KCNN2: variants seen among roughly 807,000 people sequenced by gnomAD.
The protein encoded by KCNN2 is potassium calcium-activated channel subfamily N member 2.
KCNN2 carries 24 observed loss-of-function variants against 55.5 expected under a neutral mutation model. That is an observed-to-expected ratio of 0.43 (90% CI 0.31 to 0.61). The LOEUF (loss-of-function observed/expected upper bound fraction) is 0.61. Ranked by LOEUF, KCNN2 falls within the 20% of genes least tolerant of loss-of-function variation. The pLI is 0.08. For synonymous variants in KCNN2, 431 were observed against 336.1 expected (o/e 1.28, Z -3.09); for missense variants, 754 against 853.6 (o/e 0.88, Z 1.45).
At chr5:114,334,952 C>T (rs1756894836) in intron 2 of KCNN2, among the ~76,000 whole-genome samples, 1 of 151,930 alleles carries the variant, frequency 6.6e-6, no homozygotes. Context: ...TAGACTGAGT[C>T]TCGCTCTGTC....
intron 2 of KCNN2, among the ~76,000 whole-genome samples, chr5:114,394,855 A>T (rs549057770): frequency 6.6e-6 from 1 of 152,298 alleles, no homozygotes; most frequent in African/African-American, 2.4e-5. Flanking sequence ...ATTAAGTGCC[A>T]GTACCACCTG....
At chr5:114,450,819 C>T (rs181709418) in intron 3 of KCNN2, among the ~76,000 whole-genome samples, 2 of 152,206 alleles carry the variant, frequency 1.3e-5, no homozygotes, top group Non-Finnish European at 2.9e-5. Context: ...TTTAACAAAA[C>T]ACTGTTCTAC....
At chr5:114,293,588 G>A (rs1236736918) in intron 2 of KCNN2, among the ~76,000 whole-genome samples, 3 of 152,156 alleles carry the variant, frequency 2.0e-5, no homozygotes, top group Non-Finnish European at 2.9e-5. Flanking sequence ...GCTGGATTCA[G>A]TTTGCCAGTA....
intron 1 of KCNN2, among the ~76,000 whole-genome samples, chr5:114,077,036 T>C (rs1237571926): frequency 6.6e-6 from 1 of 151,802 alleles, no homozygotes; most frequent in African/African-American, 2.4e-5. Flanking sequence ...CTAAGGTATG[T>C]TGAATTACCC....
At chr5:114,364,521 A>G (rs1450249901) in intron 2 of KCNN2, among the ~76,000 whole-genome samples, 3 of 152,154 alleles carry the variant, frequency 2.0e-5, no homozygotes, top group African/African-American at 7.2e-5. Flanking sequence ...ATTAAAAAAA[A>G]CTGTTGTAAG....
At chr5:114,332,677 T>C (rs544369505) in intron 2 of KCNN2, among the ~76,000 whole-genome samples, 44 of 152,322 alleles carry the variant, frequency 2.9e-4, no homozygotes, top group African/African-American at 1.0e-3. Flanking sequence ...AAGTTGTTTA[T>C]TACCACACTT....
chr5:114,185,417 C>A (rs1183205738), intron 1 of KCNN2, among the ~76,000 whole-genome samples: 1 of 152,220 alleles, frequency 6.6e-6, no homozygotes, highest in East Asian at 1.9e-4. Flanking sequence ...AAACTCCAAC[C>A]AGCCTGCCCA....
chr5:114,306,528 A>G (rs543406738), intron 2 of KCNN2, among the ~76,000 whole-genome samples: 1 of 152,294 alleles, frequency 6.6e-6, no homozygotes, highest in South Asian at 2.1e-4. Flanking sequence ...TACTGGTCAG[A>G]GAACAAAAGT....
At chr5:114,395,223 C>G (rs1022485036) in intron 2 of KCNN2, among the ~76,000 whole-genome samples, 1 of 152,150 alleles carries the variant, frequency 6.6e-6, no homozygotes, top group Non-Finnish European at 1.5e-5. Context: ...TAAACTCCAG[C>G]CCCTCTTCAC....
At chr5:114,059,980 G>A (rs1402308239) in intron 1 of KCNN2, among the ~76,000 whole-genome samples, 1 of 152,230 alleles carries the variant, frequency 6.6e-6, no homozygotes, top group Non-Finnish European at 1.5e-5. Context: ...GTGTATTGCA[G>A]ACATTTTTGA....
At chr5:114,068,230 A>T (rs1750490694) in intron 1 of KCNN2, among the ~76,000 whole-genome samples, 1 of 152,248 alleles carries the variant, frequency 6.6e-6, no homozygotes, top group South Asian at 2.1e-4. Flanking sequence ...GTTAGAGGTC[A>T]ATAGTCCTTG....
At chr5:114,187,114 A>G (rs1753349486) in intron 1 of KCNN2, among the ~76,000 whole-genome samples, 1 of 152,192 alleles carries the variant, frequency 6.6e-6, no homozygotes, top group Admixed American at 6.5e-5. Flanking sequence ...TCAGTTTTTA[A>G]TATTCATAGT....
intron 1 of KCNN2, among the ~76,000 whole-genome samples, chr5:114,151,904 T>C (rs78697404): frequency 0.018 from 2,731 of 152,310 alleles, 77 homozygotes; most frequent in African/African-American, 0.061. Flanking sequence ...GTTCATGCAA[T>C]GTTAACACTG....
chr5:114,410,425 A>G (rs1017031194), intron 3 of KCNN2, among the ~76,000 whole-genome samples: 2 of 152,138 alleles, frequency 1.3e-5, no homozygotes, highest in East Asian at 3.9e-4. Flanking sequence ...TTTTCACTGT[A>G]AGAGTTCTCA....
At chr5:114,220,548 T>G (rs1036562010) in intron 1 of KCNN2, among the ~76,000 whole-genome samples, 2 of 151,916 alleles carry the variant, frequency 1.3e-5, no homozygotes, top group Admixed American at 6.6e-5. Context: ...AAATGTTTTT[T>G]AAAAAAAGAG....
At chr5:114,361,634 G>T (rs1426187176), upstream of KCNN2, among the ~76,000 whole-genome samples, 1 of 99,518 alleles carries the variant, frequency 1.0e-5, no homozygotes, top group Non-Finnish European at 2.1e-5. Flanking sequence ...GTTCCACACC[G>T]TCCCTGAGCC....
At chr5:114,078,184 AT>A (rs1480869405) in intron 1 of KCNN2, among the ~76,000 whole-genome samples, 1 of 152,200 alleles carries the variant, frequency 6.6e-6, no homozygotes, top group Non-Finnish European at 1.5e-5. Context: ...TTTAAAAATA[AT>A]GAAAAGTACC....
At chr5:114,441,932 G>A (rs549550452) in intron 3 of KCNN2, among the ~76,000 whole-genome samples, 1 of 152,254 alleles carries the variant, frequency 6.6e-6, no homozygotes, top group African/African-American at 2.4e-5. Context: ...AAAAATGCAT[G>A]TTTTAAAACT....
chr5:114,179,509 C>A (rs780452490), intron 1 of KCNN2, among the ~76,000 whole-genome samples: 35 of 152,212 alleles, frequency 2.3e-4, no homozygotes, highest in Admixed American at 5.2e-4. Context: ...GGGTCAAGAA[C>A]AAGCCTAAGG....
Sources: allele counts gnomAD v4.1 joint callset (sites outside exome capture counted in the v4.1 genomes callset), GRCh38; gene constraint gnomAD v4.1.1; transcripts MANE v1.5; gene names NCBI Gene and HGNC (gene_info 2026-07-23, HGNC 2026-07-21).